Variants in FAAP100 observed in about 807,000 individuals in gnomAD.
FAAP100 encodes FA core complex associated protein 100.
A neutral mutation model predicts 65.8 loss-of-function variants in FAAP100; 46 were observed. The ratio of observed to expected loss-of-function variants is 0.70; its 90% confidence interval spans 0.55 to 0.89. The LOEUF is 0.89. Among genes scored for constraint, FAAP100 ranks in the 40% least tolerant of loss-of-function variants. The probability of loss-of-function intolerance (pLI) is 0.00; values close to 1 mark genes in which losing one functional copy is unlikely to be tolerated. For synonymous variants in FAAP100, 663 were observed against 555.1 expected, an observed-to-expected ratio of 1.19 and a Z score of -2.73; for missense variants, 1,165 against 1,196.7, an observed-to-expected ratio of 0.97 and a Z score of 0.39.
chr17:81,540,771 T>G lies in FAAP100; in HGVS notation c.*48A>C, dbSNP rs2033061515. ...TAACCCATGAGGCCTGGGGGGGCTG[T>G]GACAGAGGCTGGAAGCGTGGCCAGA... On this transcript the variant is annotated 3_prime_UTR_variant, in exon 9 of 9. Transcript: ENST00000327787. 1 of 1,462,628 alleles carries G rather than the reference T, an allele frequency of 6.8e-7. No homozygotes were observed. The allele number at this position is 1,462,628 out of a possible 1,614,324, so 90.6% of individuals were successfully genotyped here.
chr17:81,544,183 G>T, intron 6 of FAAP100, 63 bp from the exon 7 acceptor site: 1 of 1,380,488 alleles, frequency 7.2e-7, no homozygotes, highest in Non-Finnish European at 1.0e-6. Context: ...GGGGGCTCAG[G>T]CTACACAGGA....
At chr17:81,542,582 G>T (rs1446327025) in intron 7 of FAAP100, among the ~76,000 whole-genome samples, 1 of 152,136 alleles carries the variant, frequency 6.6e-6, no homozygotes, top group Admixed American at 6.5e-5. Flanking sequence ...GCACCTAGCT[G>T]TTGGGGGACA....
chr17:81,549,132 C>G, intron 4 of FAAP100, 74 bp downstream of exon 4: 1 of 1,559,838 alleles, frequency 6.4e-7, no homozygotes, highest in Non-Finnish European at 8.7e-7. Context: ...ACACCCAGGA[C>G]GACCCCACAC....
Position 81,550,948 on chromosome 17 carries a change from G to A in FAAP100, c.546C>T (p.Ala182=), listed in dbSNP as rs369792212. ...GGGCTGCAGGCTTTCCTGGGACCCC[G>A]GCTGGGGGCGTGTAGGAGGACAGCT... ...EVELSSYTPP[A]GVPGKPAAPH... is the part of the protein sequence containing the mutation. The change falls in exon 3 of 9, where the codon GCC becomes GCT. Residue 182 remains alanine, a synonymous_variant. Transcript: ENST00000327787. 32 of 1,612,080 alleles carry A rather than the reference G, an allele frequency of 2.0e-5. No homozygotes were observed. Among genetic ancestry groups the A allele is most frequent in the Middle Eastern group, 1.7e-4 (1 of 6,058 alleles).
rs985365268 is a variant in FAAP100 at position 81,551,107 on chromosome 17, C to T, written c.387G>A (p.Ala129=). The T allele has an allele frequency of 1.4e-5, 22 of 1,557,588 alleles. No homozygotes were observed. In the African/African-American group the frequency reaches 1.6e-4, roughly 12 times the overall value. ...DPDACILPDA[A]LCAFTLLDSV... ...TGTCCAGCAAGGTGAACGCGCACAG[C>T]GCAGCATCGGGAAGGATGCAGGCAT... The change falls in exon 3 of 9, where the codon GCG becomes GCA. Residue 129 remains alanine (A), a synonymous_variant. Coordinates refer to ENST00000327787, the MANE Select transcript of FAAP100 (RefSeq NM_025161.6).
At chr17:81,544,892 G>A (rs1477239975) in intron 6 of FAAP100, among the ~76,000 whole-genome samples, 1 of 152,142 alleles carries the variant, frequency 6.6e-6, no homozygotes, top group Non-Finnish European at 1.5e-5. Flanking sequence ...CTCTGGGCCG[G>A]GCACAGTGGC....
intron 2 of FAAP100, 77 bp downstream of exon 2, chr17:81,551,851 G>C: frequency 7.1e-7 from 1 of 1,416,990 alleles, no homozygotes; most frequent in Non-Finnish European, 9.2e-7. Flanking sequence ...CAAGCGCGAT[G>C]AGGTGGGGCT....
At position 81,552,346 on chromosome 17, in the gene FAAP100, G is replaced by C; in HGVS notation, c.-16C>G. 2 of 1,357,456 alleles carry C rather than the reference G, an allele frequency of 1.5e-6. No homozygotes were observed. Among genetic ancestry groups the C allele is most frequent in the Non-Finnish European group, 1.9e-6 (2 of 1,065,390 alleles). 84.1% of individuals were successfully genotyped at this position (1,357,456 alleles called of 1,614,324 possible). The stretch of plus-strand genomic sequence containing the variant: ...CGCCGGCCATCGTGCGCGCGGGCCC[G>C]TCAGAGTGAGAAGCCCCGGCCGCGC... On this transcript the variant is annotated 5_prime_UTR_variant, in exon 1 of 9. Transcript: ENST00000327787.
chr17:81,541,207 C>T, intron 8 of FAAP100, 102 bp downstream of exon 8: 1 of 1,328,958 alleles, frequency 7.5e-7, no homozygotes. Context: ...AGCCCATGCG[C>T]TGTGAGGACT....
chr17:81,547,683 G>C lies in FAAP100; in HGVS notation c.1404-5C>G. On this transcript the variant is annotated splice_region_variant and splice_polypyrimidine_tract_variant and intron_variant, in intron 4 of 8. Coordinates refer to ENST00000327787, the MANE Select transcript of FAAP100 (RefSeq NM_025161.6). ...GCCTTCTTTAGAAAAGACACTCTGC[G>C]AAGGACAGACATGACCCCCGGGAGC... The C allele has an allele frequency of 2.5e-6, 4 of 1,609,034 alleles. No homozygotes were observed. Among genetic ancestry groups the C allele is most frequent in the Non-Finnish European group, 3.4e-6 (4 of 1,177,788 alleles).
At position 81,545,290 on chromosome 17, in the gene FAAP100, T is replaced by C. The variant is rs527530548; in HGVS notation, c.2310+456A>G. ...CGCCTTTGCTGGTGGGACTTGAGAGTGTGCTGGAGGCACCACAGTCCTGAG... is the reference window on the plus strand; with the variant it reads ...CGCCTTTGCTGGTGGGACTTGAGAGCGTGCTGGAGGCACCACAGTCCTGAG... On this transcript the variant is annotated intron_variant, in intron 6 of 8. Transcript: ENST00000327787. 2.0e-3 allele frequency among the ~76,000 whole-genome samples: 300 copies of C among 152,304 alleles called. 2 individuals are homozygous for C. Among genetic ancestry groups the C allele is most frequent in the African/African-American group, 7.0e-3 (291 of 41,564 alleles).
rs2033087123 is a variant in FAAP100, at chr17:81,541,349, A to G, written c.2474T>C (p.Leu825Pro). The G allele has an allele frequency of 6.2e-7, 1 of 1,611,762 alleles. No individual in the cohort carries two copies. The highest frequency in any genetic ancestry group is 1.3e-5 in the African/African-American group (1 of 74,912). Residue 825 changes from leucine to proline, a missense_variant, in exon 8 of 9, where the codon CTC becomes CCC. Transcript: ENST00000327787. Reference sequence around the variant, plus strand: ...GATCTGGCGGAGGTACTGCACACGGAGATCAGGAGCGCTGGAGCCCTGGGT... The same window carrying G: ...GATCTGGCGGAGGTACTGCACACGGGGATCAGGAGCGCTGGAGCCCTGGGT... ...QATQGSSAPDLRVQYLRQIHA... is the reference protein window; with the variant it reads ...QATQGSSAPDPRVQYLRQIHA...
At position 81,550,863 on chromosome 17, in the gene FAAP100, G is replaced by T; in HGVS notation, c.631C>A (p.Leu211Ile). 1 of 1,612,316 alleles carries T rather than the reference G, an allele frequency of 6.2e-7. No homozygotes were observed. Among genetic ancestry groups the T allele is most frequent in the Non-Finnish European group, 8.5e-7 (1 of 1,179,728 alleles). ...SPSGSRVPHD[L>I]LGGSGGFTLE... ...GTGAAGCCCCCGGAGCCCCCGAGGA[G>T]GTCGTGCGGGACCCTGGAGCCTGAT... Residue 211 changes from leucine (L) to isoleucine (I), a missense_variant, in exon 3 of 9, where the codon CTC becomes ATC. Leu to Ile is a conservative substitution (Grantham distance 5, BLOSUM62 2). Transcript: ENST00000327787.
In FAAP100 at chr17:81,550,231, T is replaced by C. The variant is rs75145720; in HGVS notation, c.1246+17A>G. ...CACCCTGGGCTCCCATCTTTCATTTTAGACAGCAGCTCATACCTTCATGCG... is the reference window on the plus strand; with the variant it reads ...CACCCTGGGCTCCCATCTTTCATTTCAGACAGCAGCTCATACCTTCATGCG... On this transcript the variant is annotated intron_variant, in intron 3 of 8. Transcript: ENST00000327787. 1.5e-3 allele frequency: 2,318 copies of C among 1,563,786 alleles called. 16 individuals are homozygous for C. The African/African-American group carries it at 0.017, about 12-fold the overall frequency.
intron 7 of FAAP100, among the ~76,000 whole-genome samples, chr17:81,541,618 A>C (rs1039573332): frequency 9.2e-5 from 14 of 152,192 alleles, no homozygotes; most frequent in African/African-American, 3.4e-4. Flanking sequence ...GTTTCTTGGA[A>C]GCGAACTCGT....
At chr17:81,548,074 C>A in intron 4 of FAAP100, 2 of 656,184 alleles carry the variant, frequency 3.0e-6, no homozygotes, top group South Asian at 3.2e-5. Flanking sequence ...GGCCTCTTTT[C>A]TCCCTTGCAG....
intron 7 of FAAP100, 24 bp from the exon 8 acceptor site, chr17:81,541,419 G>T (rs1347673629): frequency 6.3e-7 from 1 of 1,575,270 alleles, no homozygotes. Context: ...GAGACATGCT[G>T]GAGAGGGTGT....
At chr17:81,551,885 G>A (rs752080036) in intron 2 of FAAP100, 43 bp downstream of exon 2, 1 of 1,507,330 alleles carries the variant, frequency 6.6e-7, no homozygotes, top group Non-Finnish European at 8.8e-7. Context: ...CAGTCCGGGG[G>A]CAGCAGGAGT....
intron 7 of FAAP100, among the ~76,000 whole-genome samples, chr17:81,542,868 T>TG: frequency 6.6e-6 from 1 of 152,326 alleles, no homozygotes; most frequent in South Asian, 2.1e-4. Context: ...GGGACTTTCT[T>TG]GGGGACCAGA....
Sources: gnomAD v4.1 joint callset for allele counts (sites outside exome capture counted in the v4.1 genomes callset) on GRCh38, gnomAD v4.1.1 for gene constraint, MANE v1.5 for transcripts, NCBI Gene and HGNC (gene_info 2026-07-23, HGNC 2026-07-21) for gene names.